HS3ST3B1: variants seen among roughly 807,000 people sequenced by gnomAD.
The protein encoded by HS3ST3B1 is heparan sulfate-glucosamine 3-sulfotransferase 3B1, also known as heparan sulfate glucosamine 3-O-sulfotransferase 3B1.
In HS3ST3B1, 13 loss-of-function variants were observed where a neutral mutation model predicts 21.3. That is an observed-to-expected ratio of 0.61 (90% confidence interval 0.40 to 0.97). HS3ST3B1 has a LOEUF of 0.97. Among genes scored for constraint, HS3ST3B1 ranks in the 50% least tolerant of loss-of-function variants. The pLI, the probability that HS3ST3B1 is intolerant of heterozygous loss-of-function variation, is 0.00. For missense variants in HS3ST3B1, 459 were observed against 554.8 expected (o/e 0.83, Z 1.73); for synonymous variants, 234 against 254.8 (o/e 0.92, Z 0.78).
chr17:14,312,100 T>C (rs62054228), intron 1 of HS3ST3B1, among the ~76,000 whole-genome samples: 2 of 105,306 alleles, frequency 1.9e-5, no homozygotes, highest in African/African-American at 7.2e-5. Flanking sequence ...AACTGTGTGA[T>C]TAAAAAAAAA....
chr17:14,312,967 T>G (rs921105565), intron 1 of HS3ST3B1, among the ~76,000 whole-genome samples: 6 of 148,806 alleles, frequency 4.0e-5, no homozygotes, highest in African/African-American at 1.5e-4. Flanking sequence ...TGCAATGGAA[T>G]GATCTCGGCT....
Position 14,345,449 on chromosome 17 carries a change from T to G in HS3ST3B1, c.976T>G (p.Phe326Val), listed in dbSNP as rs776520474. 7.0e-7 allele frequency: 1 copy of G among 1,420,424 alleles called. No individual in the cohort carries two copies. The highest frequency in any genetic ancestry group is 1.8e-5 in the Admixed American group (1 of 54,888). 88.0% of individuals were successfully genotyped at this position (1,420,424 alleles called of 1,614,324 possible). Residue 326 changes from phenylalanine to valine, a missense_variant, in exon 2 of 2, where the codon TTC becomes GTC. Coordinates refer to ENST00000360954, the MANE Select transcript of HS3ST3B1 (RefSeq NM_006041.3). The stretch of plus-strand genomic sequence containing the variant: ...CAAGAGGATCATCACGGACAAGCAC[T>G]TCTACTTCAACAAGACCAAGGGCTT... ...GLKRIITDKHFYFNKTKGFPC... is the reference protein window; with the variant it reads ...GLKRIITDKHVYFNKTKGFPC...
intron 1 of HS3ST3B1, among the ~76,000 whole-genome samples, chr17:14,334,845 T>C (rs928262447): frequency 2.0e-5 from 3 of 152,118 alleles, no homozygotes; most frequent in African/African-American, 7.2e-5. Flanking sequence ...TGTTTGTCGG[T>C]TTATCAGGCA....
At chr17:14,342,333 C>T (rs1425926393) in intron 1 of HS3ST3B1, among the ~76,000 whole-genome samples, 1 of 152,108 alleles carries the variant, frequency 6.6e-6, no homozygotes, top group Non-Finnish European at 1.5e-5. Context: ...GATGATATAG[C>T]CTCTAACATG....
In HS3ST3B1 at chr17:14,302,086, C is replaced by T. The variant is rs777478159; in HGVS notation, c.554+14C>T. Reference sequence around the variant, plus strand: ...CGCTTGGTACCGGTGAGTTTCCCTGCCAGGGGCAGGGTCTCCATCGTCGAT... The same window carrying T: ...CGCTTGGTACCGGTGAGTTTCCCTGTCAGGGGCAGGGTCTCCATCGTCGAT... On this transcript the variant is annotated intron_variant, in intron 1 of 1. Transcript: ENST00000360954. 13 of 1,585,066 alleles carry T rather than the reference C, an allele frequency of 8.2e-6. No individual in the cohort carries two copies. In the African/African-American group the frequency reaches 1.5e-4, roughly 18 times the overall value.
At chr17:14,325,194 G>A (rs1909771503) in intron 1 of HS3ST3B1, among the ~76,000 whole-genome samples, 1 of 152,216 alleles carries the variant, frequency 6.6e-6, no homozygotes, top group Non-Finnish European at 1.5e-5. Flanking sequence ...AATGGCTACT[G>A]GCACAGATAG....
At position 14,346,610 on chromosome 17, in the gene HS3ST3B1, G is replaced by C. The variant is rs910227912; in HGVS notation, c.*964G>C. 1 of 152,342 alleles carries C rather than the reference G, an allele frequency of 6.6e-6. No individual in the cohort carries two copies. Among genetic ancestry groups the C allele is most frequent in the Non-Finnish European group, 1.5e-5 (1 of 68,182 alleles). The allele number at this position is 152,342 out of a possible 1,614,324, so 9.4% of individuals were successfully genotyped here. On this transcript the variant is annotated 3_prime_UTR_variant, in exon 2 of 2. Transcript: ENST00000360954. ...TTGACTTCAGCTTTTGATTTTGCAG[G>C]ATGGCCCTGTGTCCTCCTCTGCCCC...
chr17:14,334,491 T>C (rs1910130669), intron 1 of HS3ST3B1, among the ~76,000 whole-genome samples: 1 of 152,108 alleles, frequency 6.6e-6, no homozygotes, highest in South Asian at 2.1e-4. Context: ...GAACTGAGAT[T>C]ACAGGCGTGC....
In HS3ST3B1 at chr17:14,334,281, T is replaced by A. The variant is rs80185661; in HGVS notation, c.555-10747T>A. 8.3e-3 allele frequency among the ~76,000 whole-genome samples: 1,268 copies of A among 151,868 alleles called. 30 individuals carry two copies. In the East Asian group the frequency reaches 0.12, roughly 14 times the overall value. Reference sequence around the variant, plus strand: ...TGTTTTTTCATGGTTTTTTTTTTTTTAAATTGACTTTATTTTTAAGAGCAT... The same window carrying A: ...TGTTTTTTCATGGTTTTTTTTTTTTAAAATTGACTTTATTTTTAAGAGCAT... On this transcript the variant is annotated intron_variant, in intron 1 of 1. Coordinates refer to ENST00000360954, the MANE Select transcript of HS3ST3B1 (RefSeq NM_006041.3).
intron 1 of HS3ST3B1, among the ~76,000 whole-genome samples, chr17:14,339,730 A>T (rs1196435059): frequency 6.6e-6 from 1 of 152,200 alleles, no homozygotes; most frequent in Admixed American, 6.5e-5. Flanking sequence ...ACTGGTTTTC[A>T]TAATGAGTGA....
intron 1 of HS3ST3B1, among the ~76,000 whole-genome samples, chr17:14,323,861 C>A (rs1235097058): frequency 6.6e-6 from 1 of 152,188 alleles, no homozygotes; most frequent in African/African-American, 2.4e-5. Flanking sequence ...TTGTTCTCTC[C>A]TTCAGGTGGT....
intron 1 of HS3ST3B1, among the ~76,000 whole-genome samples, chr17:14,309,375 C>T (rs1251388454): frequency 1.3e-5 from 2 of 152,236 alleles, no homozygotes; most frequent in African/African-American, 4.8e-5. Context: ...TCCGTGGCCA[C>T]GTGACCAGCC....
At position 14,301,241 on chromosome 17, in the gene HS3ST3B1, G is replaced by A. The variant is rs1908903455; in HGVS notation, c.-278G>A. The A allele has an allele frequency of 6.5e-6, 3 of 464,034 alleles. No homozygotes were observed. Among genetic ancestry groups the A allele is most frequent in the Non-Finnish European group, 1.1e-5 (3 of 265,368 alleles). 28.7% of individuals were successfully genotyped at this position (464,034 alleles called of 1,614,324 possible). A position where few individuals can be genotyped will look rare whatever the true frequency, so the allele number is the denominator to read the frequency against. ...CTCCTGGCCCCGAGCGCGTCGTCGCGCCCCGGGAGCAGACCCTCGCCCAGC... is the reference window on the plus strand; with the variant it reads ...CTCCTGGCCCCGAGCGCGTCGTCGCACCCCGGGAGCAGACCCTCGCCCAGC... On this transcript the variant is annotated 5_prime_UTR_variant, in exon 1 of 2. Coordinates refer to ENST00000360954, the MANE Select transcript of HS3ST3B1 (RefSeq NM_006041.3).
intron 1 of HS3ST3B1, among the ~76,000 whole-genome samples, chr17:14,330,123 G>A (rs1264305150): frequency 6.6e-6 from 1 of 152,216 alleles, no homozygotes; most frequent in Admixed American, 6.5e-5. Flanking sequence ...CAGGCTGAGT[G>A]CCTCATTTTA....
intron 1 of HS3ST3B1, chr17:14,329,303 AAGAGAGAAAGAG>A (rs1195867043): frequency 6.5e-5 from 9 of 138,888 alleles, no homozygotes; most frequent in South Asian, 2.4e-4. Flanking sequence ...TAAAGAAAGA[AAGAGAGAAAGAG>A]AGAAAGAAAG....
chr17:14,329,351 AAGAAAGAAAGAAAGAAAAGGAAGGAAGG>A (rs1567641219), intron 1 of HS3ST3B1: 1 of 112,078 alleles, frequency 8.9e-6, no homozygotes, highest in African/African-American at 3.5e-5. Flanking sequence ...GAAAGAAAGA[AAGAAAGAAAGAAAGAAAAGGAAGGAAGG>A]AAGGAAGGAA....
chr17:14,309,614 T>C (rs993762164), intron 1 of HS3ST3B1, among the ~76,000 whole-genome samples: 3 of 152,212 alleles, frequency 2.0e-5, no homozygotes, highest in African/African-American at 7.2e-5. Flanking sequence ...CACTCGGTGC[T>C]GCTGATTTGG....
At chr17:14,329,538 AAAG>A (rs1225152296) in intron 1 of HS3ST3B1, 1 of 151,812 alleles carries the variant, frequency 6.6e-6, no homozygotes, top group Non-Finnish European at 1.5e-5. Flanking sequence ...AAAGAAAGGA[AAAG>A]AAGAAAGAAA....
At chr17:14,318,537 C>A (rs740379) in intron 1 of HS3ST3B1, among the ~76,000 whole-genome samples, 53,573 of 151,978 alleles carry the variant, frequency 0.35, 9,646 homozygotes, top group African/African-American at 0.4. Flanking sequence ...AGTTTGGGAA[C>A]CTTCCATGTT....
Sources: gnomAD v4.1 joint callset for allele counts (sites outside exome capture counted in the v4.1 genomes callset) on GRCh38, gnomAD v4.1.1 for gene constraint, MANE v1.5 for transcripts, NCBI Gene and HGNC (gene_info 2026-07-23, HGNC 2026-07-21) for gene names.